Variants in WRN observed in about 807,000 individuals in gnomAD.
The protein encoded by WRN is bifunctional 3'-5' exonuclease/ATP-dependent helicase WRN.
WRN carries 149 observed loss-of-function variants against 180.7 expected under a neutral mutation model. That is an observed-to-expected ratio of 0.82 (90% CI 0.72 to 0.94). The LOEUF (loss-of-function observed/expected upper bound fraction) is 0.94, where lower values mean the gene tolerates loss of function less well. Among genes scored for constraint, WRN ranks in the 40% least tolerant of loss-of-function variants. The pLI, the probability that WRN is intolerant of heterozygous loss-of-function variation, is 0.00. For synonymous variants in WRN, 548 were observed against 568.9 expected, an observed-to-expected ratio of 0.96 and a Z score of 0.52; for missense variants, 1,661 against 1,700.1, an observed-to-expected ratio of 0.98 and a Z score of 0.40.
At chr8:31,061,877 G>A (rs1585405395) in intron 3 of WRN, among the ~76,000 whole-genome samples, 1 of 152,216 alleles carries the variant, frequency 6.6e-6, no homozygotes, top group East Asian at 1.9e-4. Context: ...TAGAGTTTTA[G>A]TCTATGCATG....
chr8:31,101,804 A>G (rs2130235109), intron 18 of WRN, among the ~76,000 whole-genome samples: 1 of 151,632 alleles, frequency 6.6e-6, no homozygotes, highest in East Asian at 1.9e-4. Context: ...AAAAAAAAAA[A>G]AAAAAAAAGT....
intron 1 of WRN, among the ~76,000 whole-genome samples, chr8:31,034,493 T>C (rs776849264): frequency 4.6e-5 from 7 of 152,214 alleles, no homozygotes; most frequent in Non-Finnish European, 1.0e-4. Context: ...CTTAGGATGC[T>C]AATACAGGAG....
At chr8:31,157,553 G>A (rs2130481751) in intron 33 of WRN, 23 bp downstream of exon 33, 1 of 1,613,560 alleles carries the variant, frequency 6.2e-7, no homozygotes, top group Non-Finnish European at 8.5e-7. Context: ...GCCTAGCTCT[G>A]CACCCTTAAT....
intron 19 of WRN, among the ~76,000 whole-genome samples, chr8:31,114,741 C>T (rs919278907): frequency 6.6e-6 from 1 of 151,898 alleles, no homozygotes; most frequent in Non-Finnish European, 1.5e-5. Flanking sequence ...ATACTATATC[C>T]ATTATTTATG....
Position 31,069,378 on chromosome 8 carries a change from T to C in WRN, c.724+1051T>C, listed in dbSNP as rs1812825617. Among the ~76,000 whole-genome samples the C allele has an allele frequency of 2.0e-5, 3 of 152,262 alleles. No homozygotes were observed. The South Asian group carries it at 6.2e-4, about 32-fold the overall frequency. On this transcript the variant is annotated intron_variant, in intron 7 of 34. Coordinates refer to ENST00000298139, the MANE Select transcript of WRN (RefSeq NM_000553.6). ...CCTGCTGGTTCTCTGTAGTCAGAGG[T>C]CTTGTGGCTGTAACTTAGAGTCAGT...
chr8:31,133,934 C>T (rs1802284373), intron 24 of WRN, among the ~76,000 whole-genome samples: 1 of 152,172 alleles, frequency 6.6e-6, no homozygotes, highest in Admixed American at 6.5e-5. Flanking sequence ...GGCTCCTTGA[C>T]AAACTTGAAC....
In WRN at chr8:31,067,293, A is replaced by G. The variant is rs930667475; in HGVS notation, c.654+111A>G. On this transcript the variant is annotated intron_variant, in intron 6 of 34. Coordinates refer to ENST00000298139, the MANE Select transcript of WRN (RefSeq NM_000553.6). ...GGCAGAAACTCTACCAAAATATTTT[A>G]TATCAATTTGGCATTGAAAAATGCT... 10 of 1,273,504 alleles carry G rather than the reference A, an allele frequency of 7.9e-6. No individual in the cohort carries two copies. The African/African-American group carries it at 1.0e-4, about 13-fold the overall frequency. 78.9% of individuals were successfully genotyped at this position (1,273,504 alleles called of 1,614,324 possible).
At chr8:31,079,246 T>G (rs1813209015) in intron 8 of WRN, among the ~76,000 whole-genome samples, 1 of 152,218 alleles carries the variant, frequency 6.6e-6, no homozygotes, top group Non-Finnish European at 1.5e-5. Context: ...TGGAAGTAAC[T>G]GGAAATAACT....
intron 3 of WRN, among the ~76,000 whole-genome samples, chr8:31,063,808 C>T (rs1379879502): frequency 1.3e-5 from 2 of 152,300 alleles, no homozygotes; most frequent in African/African-American, 2.4e-5. Flanking sequence ...ACGCTAACCT[C>T]GAACTCCTGG....
At chr8:31,119,505 T>C (rs1454843512) in intron 20 of WRN, among the ~76,000 whole-genome samples, 1 of 152,014 alleles carries the variant, frequency 6.6e-6, no homozygotes, top group Non-Finnish European at 1.5e-5. Context: ...CTGCCCTTTT[T>C]TCTTACCTTG....
At chr8:31,068,198 C>G (rs1236196602) in intron 6 of WRN, 60 bp from the exon 7 acceptor site, 1 of 1,272,388 alleles carries the variant, frequency 7.9e-7, no homozygotes, top group African/African-American at 1.5e-5. Context: ...GAAGATGGGA[C>G]TTACTGTTTT....
intron 21 of WRN, among the ~76,000 whole-genome samples, chr8:31,123,621 T>C (rs1801809289): frequency 6.6e-6 from 1 of 152,174 alleles, no homozygotes; most frequent in South Asian, 2.1e-4. Context: ...GAAGGTTGAA[T>C]AGTCAAATTA....
rs1804203535 is a variant in WRN, at chr8:31,174,352, T to C, written c.*1250T>C. Among the ~76,000 whole-genome samples, 1 of 152,230 alleles carries C rather than the reference T, an allele frequency of 6.6e-6. No homozygotes were observed. On this transcript the variant is annotated 3_prime_UTR_variant, in exon 35 of 35. Transcript: ENST00000298139. ...CTGCATGCCTAGGTACGAGGCTGTCTCCAGGAGAAGCACTTGTTTGATTAT... is the reference window on the plus strand; with the variant it reads ...CTGCATGCCTAGGTACGAGGCTGTCCCCAGGAGAAGCACTTGTTTGATTAT...
intron 18 of WRN, among the ~76,000 whole-genome samples, chr8:31,108,831 G>A (rs187954698): frequency 6.6e-6 from 1 of 152,160 alleles, no homozygotes; most frequent in East Asian, 1.9e-4. Context: ...GAGGAAGGCA[G>A]GAAGGGAAAG....
chr8:31,125,921 C>T (rs921401920), intron 23 of WRN, among the ~76,000 whole-genome samples: 2 of 150,064 alleles, frequency 1.3e-5, no homozygotes, highest in East Asian at 3.9e-4. Flanking sequence ...CATAGGCTAG[C>T]CAAGTTGATG....
At chr8:31,100,765 T>C in intron 17 of WRN, 84 bp from the exon 18 acceptor site, 1 of 1,135,454 alleles carries the variant, frequency 8.8e-7, no homozygotes, top group Non-Finnish European at 1.3e-6. Context: ...ATTTGGTTAT[T>C]TATTCTCCTT....
intron 32 of WRN, among the ~76,000 whole-genome samples, chr8:31,156,299 T>C (rs1803383264): frequency 6.6e-6 from 1 of 152,214 alleles, no homozygotes; most frequent in South Asian, 2.1e-4. Flanking sequence ...TTCATTTGTG[T>C]CTTTTGGTAT....
In WRN at chr8:31,111,637, C is replaced by G. The variant is rs1480350235; in HGVS notation, c.2111C>G (p.Ala704Gly). Reference protein sequence around the residue: ...LPMVPIVALTATASSSIREDI... With the variant: ...LPMVPIVALTGTASSSIREDI... ...CAGGTTCCAATCGTTGCACTTACTGCTACTGCAAGTTCTTCAATCCGGGAA... is the reference window on the plus strand; with the variant it reads ...CAGGTTCCAATCGTTGCACTTACTGGTACTGCAAGTTCTTCAATCCGGGAA... Residue 704 changes from alanine (A) to glycine (G), a missense_variant, in exon 19 of 35, where the codon GCT becomes GGT. Coordinates refer to ENST00000298139, the MANE Select transcript of WRN (RefSeq NM_000553.6). 22 of 1,613,890 alleles carry G rather than the reference C, an allele frequency of 1.4e-5. No homozygotes were observed. The highest frequency in any genetic ancestry group is 1.6e-4 in the Middle Eastern group (1 of 6,076).
At chr8:31,072,336 G>C (rs533633032) in intron 7 of WRN, among the ~76,000 whole-genome samples, 1 of 152,224 alleles carries the variant, frequency 6.6e-6, no homozygotes, top group Admixed American at 6.5e-5. Context: ...TAGTTTTGCT[G>C]TACTGGGTAG....
Sources: allele counts gnomAD v4.1 joint callset (sites outside exome capture counted in the v4.1 genomes callset), GRCh38; gene constraint gnomAD v4.1.1; transcripts MANE v1.5; gene names NCBI Gene and HGNC (gene_info 2026-07-23, HGNC 2026-07-21).